Variants in SLC4A1 observed in about 807,000 individuals in gnomAD.
SLC4A1 encodes the protein solute carrier family 4 member 1 (Diego blood group).
SLC4A1 carries 29 observed loss-of-function variants against 93.1 expected under a neutral mutation model. The ratio of observed to expected loss-of-function variants is 0.31; its 90% CI spans 0.23 to 0.42. The LOEUF (loss-of-function observed/expected upper bound fraction) is 0.42. Ranked by LOEUF, SLC4A1 falls within the 20% of genes least tolerant of loss-of-function variation. The probability of loss-of-function intolerance (pLI) is 1.00; values close to 1 mark genes in which losing one functional copy is unlikely to be tolerated. For missense variants in SLC4A1, 965 were observed against 1,190.1 expected, an observed-to-expected ratio of 0.81 and a Z score of 2.78; for synonymous variants, 469 against 497.2, an observed-to-expected ratio of 0.94 and a Z score of 0.76.
intron 13 of SLC4A1, among the ~76,000 whole-genome samples, chr17:44,256,810 A>G (rs752057169): frequency 6.6e-6 from 1 of 152,268 alleles, no homozygotes; most frequent in Non-Finnish European, 1.5e-5. Flanking sequence ...ATATGTGGTC[A>G]CAGTCAACAC....
intron 16 of SLC4A1, 51 bp from the exon 17 acceptor site, chr17:44,253,422 AC>A: frequency 6.3e-7 from 1 of 1,577,026 alleles, no homozygotes; most frequent in Non-Finnish European, 8.6e-7. Flanking sequence ...TGCCTCCTCC[AC>A]CCCCTCCTTC....
At chr17:44,265,129 G>A (rs1598304830) in intron 1 of SLC4A1, among the ~76,000 whole-genome samples, 4 of 148,498 alleles carry the variant, frequency 2.7e-5, no homozygotes, top group South Asian at 4.4e-4. Context: ...GGGGGCTGGT[G>A]GGAGGGGGTG....
intron 3 of SLC4A1, 38 bp from the exon 4 acceptor site, chr17:44,261,674 C>T: frequency 6.2e-7 from 1 of 1,613,956 alleles, no homozygotes; most frequent in Non-Finnish European, 8.5e-7. Context: ...ACCTGACCGT[C>T]CCCCACCTGA....
intron 3 of SLC4A1, chr17:44,262,001 G>A: frequency 8.3e-7 from 1 of 1,200,434 alleles, no homozygotes; most frequent in African/African-American, 1.6e-5. Context: ...CCACCTCTGA[G>A]ACCAGACTCC....
intron 1 of SLC4A1, among the ~76,000 whole-genome samples, chr17:44,264,086 TC>T (rs1345075114): frequency 1.3e-5 from 2 of 152,172 alleles, no homozygotes; most frequent in East Asian, 3.8e-4. Flanking sequence ...CACATCAGTC[TC>T]AAACTCCTAG....
chr17:44,257,772 G>C lies in SLC4A1; in HGVS notation c.1318C>G (p.Leu440Val), dbSNP rs370924118. 7 of 1,613,874 alleles carry C rather than the reference G, an allele frequency of 4.3e-6. No individual in the cohort carries two copies. The African/African-American group carries it at 6.7e-5, about 15-fold the overall frequency. Residue 440 changes from leucine to valine, a missense_variant, in exon 12 of 20, where the codon CTG (leucine) becomes GTG (valine). Coordinates refer to ENST00000262418, the MANE Select transcript of SLC4A1 (RefSeq NM_000342.4). ...KTRNQMGVSE[L>V]LISTAVQGIL... ...CCCTGCACTGCAGTGGAGATCAGCA[G>C]CTCCGACACTCCCATCTGGTTCCGG...
chr17:44,260,457 C>T lies in SLC4A1; in HGVS notation c.432G>A (p.Gln144=). Residue 144 remains glutamine, a synonymous_variant, in exon 6 of 20, where the codon CAG becomes CAA. Coordinates refer to ENST00000262418, the MANE Select transcript of SLC4A1 (RefSeq NM_000342.4). Reference sequence around the variant, plus strand: ...GCTCCTCTCGGTCCTGAGGCCGGATCTGGTCTTCAAAGATAAACCTGTCTA... The same window carrying T: ...GCTCCTCTCGGTCCTGAGGCCGGATTTGGTCTTCAAAGATAAACCTGTCTA... ...QLLDRFIFED[Q]IRPQDREELL... is the part of the protein sequence containing the mutation. 6.2e-7 allele frequency: 1 copy of T among 1,614,120 alleles called. No homozygotes were observed. The highest frequency in any genetic ancestry group is 2.2e-5 in the East Asian group (1 of 44,874).
chr17:44,259,768 G>C lies in SLC4A1; in HGVS notation c.609+41C>G, dbSNP rs148607566. On this transcript the variant is annotated intron_variant, in intron 7 of 19. Coordinates refer to ENST00000262418, the MANE Select transcript of SLC4A1 (RefSeq NM_000342.4). The stretch of plus-strand genomic sequence containing the variant: ...TGGCGTTTGAGAAAGCTCTCTCCTT[G>C]CCCCACCCTGACCCTGACCCTGACC... 6.8e-6 allele frequency: 11 copies of C among 1,613,310 alleles called. No individual in the cohort carries two copies. The East Asian group carries it at 2.5e-4, about 36-fold the overall frequency.
Position 44,249,252 on chromosome 17 carries a change from T to TA in SLC4A1, c.*1205dup. ...CAACTCTTTTTATCTTTTTGTTTTA[T>TA]AAAAAAATAAATTTGCCCATGTTCT... is the stretch of plus-strand genomic sequence containing the variant. On this transcript the variant is annotated 3_prime_UTR_variant, in exon 20 of 20. Coordinates refer to ENST00000262418, the MANE Select transcript of SLC4A1 (RefSeq NM_000342.4). The TA allele has an allele frequency of 2.2e-6, 1 of 446,996 alleles. No homozygotes were observed. Among genetic ancestry groups the TA allele is most frequent in the South Asian group, 1.6e-5 (1 of 62,904 alleles). 27.7% of individuals were successfully genotyped at this position (446,996 alleles called of 1,614,324 possible).
At chr17:44,250,705 G>A (rs1430585183) in intron 19 of SLC4A1, among the ~76,000 whole-genome samples, 167 bp from the exon 20 acceptor site, 5 of 152,266 alleles carry the variant, frequency 3.3e-5, no homozygotes, top group South Asian at 2.1e-4. Flanking sequence ...TAAATGAGTC[G>A]TTGTCAAAGT....
At chr17:44,259,463 G>A in intron 8 of SLC4A1, 34 bp downstream of exon 8, 13 of 1,601,114 alleles carry the variant, frequency 8.1e-6, no homozygotes, top group South Asian at 1.1e-5. Flanking sequence ...CACGAGGGGT[G>A]TGGAGGGCTG....
chr17:44,265,517 C>T (rs1293291388), intron 1 of SLC4A1, among the ~76,000 whole-genome samples: 1 of 152,042 alleles, frequency 6.6e-6, no homozygotes, highest in African/African-American at 2.4e-5. Context: ...CTACAGGCGC[C>T]CGCCACCACG....
At chr17:44,251,732 T>TTG (rs1555594872) in intron 17 of SLC4A1, 144 bp from the exon 18 acceptor site, 204 of 612,156 alleles carry the variant, frequency 3.3e-4, no homozygotes, top group East Asian at 1.2e-3. Context: ...TTTTTTTTTT[T>TTG]TTTTTTTGTT....
At chr17:44,259,045 A>T (rs1429448971) in intron 9 of SLC4A1, 118 bp downstream of exon 9, 2 of 1,056,130 alleles carry the variant, frequency 1.9e-6, no homozygotes, top group Non-Finnish European at 2.9e-6. Context: ...CAGCTGGATT[A>T]GGCTGAATGG....
rs567528042 is a variant in SLC4A1 at position 44,251,266 on chromosome 17, C to T, written c.2548G>A (p.Val850Met). The T allele has an allele frequency of 6.2e-7, 1 of 1,614,104 alleles. No individual in the cohort carries two copies. The highest frequency in any genetic ancestry group is 1.3e-5 in the African/African-American group (1 of 74,934). ...QIICLAVLWV[V>M]KSTPASLALP... Reference sequence around the variant, plus strand: ...GCCAGGGAGGCCGGCGTGGACTTCACCACCCACAGCACTGCCAGGCAGATG... The same window carrying T: ...GCCAGGGAGGCCGGCGTGGACTTCATCACCCACAGCACTGCCAGGCAGATG... Residue 850 changes from valine (V) to methionine (M), a missense_variant, in exon 19 of 20, where the codon GTG (valine) becomes ATG (methionine). Physicochemically the swap from Val to Met is conservative, Grantham distance 21 (BLOSUM62 1). Transcript: ENST00000262418.
At chr17:44,252,971 G>A in intron 17 of SLC4A1, 147 bp downstream of exon 17, 1 of 903,654 alleles carries the variant, frequency 1.1e-6, no homozygotes. Flanking sequence ...CCCCTCGTGT[G>A]AGTAGGGGAT....
intron 16 of SLC4A1, 152 bp downstream of exon 16, chr17:44,254,344 C>T (rs2047369645): frequency 1.4e-6 from 1 of 712,260 alleles, no homozygotes; most frequent in South Asian, 1.6e-5. Context: ...CCTGGAACTG[C>T]CCCTGGCTTT....
Position 44,259,235 on chromosome 17 carries a change from C to T in SLC4A1, c.804G>A (p.Leu268=). Residue 268 remains leucine (L), a synonymous_variant, in exon 9 of 20, where the codon TTG becomes TTA. Coordinates refer to ENST00000262418, the MANE Select transcript of SLC4A1 (RefSeq NM_000342.4). ...CGATGTGGGGGGCCTCAGGTCCCAG[C>T]AACACAAAGAGGAAGCGTATAGGCA... ...LPVPIRFLFV[L]LGPEAPHIDY... is the part of the protein sequence containing the mutation. The T allele has an allele frequency of 6.2e-7, 1 of 1,614,048 alleles. No individual in the cohort carries two copies. The highest frequency in any genetic ancestry group is 8.5e-7 in the Non-Finnish European group (1 of 1,180,028).
chr17:44,262,528 G>A (rs1008451939), intron 3 of SLC4A1, 108 bp downstream of exon 3: 22 of 788,574 alleles, frequency 2.8e-5, no homozygotes, highest in South Asian at 1.2e-4. Context: ...AGAACGGCCC[G>A]TGGTGCTTGG....
Sources: allele counts gnomAD v4.1 joint callset (sites outside exome capture counted in the v4.1 genomes callset), GRCh38; gene constraint gnomAD v4.1.1; transcripts MANE v1.5; gene names NCBI Gene and HGNC (gene_info 2026-07-23, HGNC 2026-07-21).